IQSEC1: variants seen among roughly 807,000 people sequenced by gnomAD.
IQSEC1 encodes IQ motif and Sec7 domain ArfGEF 1, also known as IQ motif and SEC7 domain-containing protein 1.
IQSEC1 carries 31 observed loss-of-function variants against 91.0 expected under a neutral mutation model. The ratio of observed to expected loss-of-function variants is 0.34; its 90% CI spans 0.26 to 0.46. The LOEUF (loss-of-function observed/expected upper bound fraction) is 0.46, where lower values mean the gene tolerates loss of function less well. Ranked by LOEUF, IQSEC1 falls within the 20% of genes least tolerant of loss-of-function variation. The pLI, the probability that IQSEC1 is intolerant of heterozygous loss-of-function variation, is 1.00. For synonymous variants in IQSEC1, 699 were observed against 662.6 expected (o/e 1.05, Z -0.84); for missense variants, 1,388 against 1,575.6 (o/e 0.88, Z 2.02).
In IQSEC1 at chr3:13,276,910, C is replaced by T. The variant is rs370771817; in HGVS notation, c.272+5801G>A. Among the ~76,000 whole-genome samples, 30 of 152,098 alleles carry T rather than the reference C, an allele frequency of 2.0e-4. 2 individuals carry two copies. The East Asian group carries it at 5.2e-3, about 27-fold the overall frequency. On this transcript the variant is annotated intron_variant, in intron 1 of 15. Transcript: ENST00000648114. Reference sequence around the variant, plus strand: ...GCAGCACACTGGAGGCCGCTGAACTCGGACTGCCTCCTGGCCCCACCGCAG... The same window carrying T: ...GCAGCACACTGGAGGCCGCTGAACTTGGACTGCCTCCTGGCCCCACCGCAG...
intron 1 of IQSEC1, among the ~76,000 whole-genome samples, chr3:13,253,834 C>T (rs939219066): frequency 6.6e-6 from 1 of 152,128 alleles, no homozygotes; most frequent in Non-Finnish European, 1.5e-5. Flanking sequence ...TTTCCAAGTG[C>T]CTCGGTGGTT....
intron 6 of IQSEC1, among the ~76,000 whole-genome samples, chr3:12,916,858 C>T (rs994722693): frequency 2.0e-5 from 3 of 152,174 alleles, no homozygotes; most frequent in African/African-American, 7.2e-5. Context: ...GCACATGGGC[C>T]GTTTCTCTTA....
chr3:13,028,565 G>A (rs1468446513), intron 1 of IQSEC1, among the ~76,000 whole-genome samples: 1 of 152,200 alleles, frequency 6.6e-6, no homozygotes, highest in Non-Finnish European at 1.5e-5. Context: ...CTAGAACTGG[G>A]TGCCTCTGCA....
intron 2 of IQSEC1, among the ~76,000 whole-genome samples, chr3:13,080,585 A>ACC (rs1705632771): frequency 6.6e-6 from 1 of 152,012 alleles, no homozygotes; most frequent in African/African-American, 2.4e-5. Context: ...GAGAGGTCAG[A>ACC]CAGAGCCCTG....
intron 1 of IQSEC1, among the ~76,000 whole-genome samples, chr3:13,061,191 T>C (rs1705056430): frequency 6.6e-6 from 1 of 152,062 alleles, no homozygotes; most frequent in South Asian, 2.1e-4. Flanking sequence ...TGACCCATAT[T>C]ATAGATGGGG....
At chr3:13,061,507 A>C (rs1705067464) in intron 1 of IQSEC1, among the ~76,000 whole-genome samples, 1 of 151,868 alleles carries the variant, frequency 6.6e-6, no homozygotes, top group Non-Finnish European at 1.5e-5. Flanking sequence ...GATCCTGAAC[A>C]TCAGGGGTCC....
Position 12,994,300 on chromosome 3 carries a change from G to T in IQSEC1, c.24-52435C>A, listed in dbSNP as rs1702132575. On this transcript the variant is annotated intron_variant, in intron 1 of 13. Transcript: ENST00000613206. The surrounding 1 kb of genome is among the most constrained non-coding windows in gnomAD (Gnocchi z 4.5). ...CGCCGTGACCTTGGCGGGTGGCCTCGCCGCGCCTGGCCTCAGTTTCCCCCC... is the reference window on the plus strand; with the variant it reads ...CGCCGTGACCTTGGCGGGTGGCCTCTCCGCGCCTGGCCTCAGTTTCCCCCC... 6.6e-6 allele frequency among the ~76,000 whole-genome samples: 1 copy of T among 151,464 alleles called. No individual in the cohort carries two copies. Among genetic ancestry groups the T allele is most frequent in the Admixed American group, 6.6e-5 (1 of 15,242 alleles).
chr3:13,087,645 A>G (rs1705760521), intron 2 of IQSEC1, among the ~76,000 whole-genome samples: 1 of 152,148 alleles, frequency 6.6e-6, no homozygotes, highest in Non-Finnish European at 1.5e-5. Flanking sequence ...ACTACCACAA[A>G]CGGAAAACCA....
Position 12,967,913 on chromosome 3 carries a change from TCAGGGGCGGGGCTACGCG to T in IQSEC1, c.24-26066_24-26049del, listed in dbSNP as rs1424640296. Among the ~76,000 whole-genome samples, 2,370 of 52,408 alleles carry T rather than the reference TCAGGGGCGGGGCTACGCG, an allele frequency of 0.045. 37 individuals are homozygous for T. Among genetic ancestry groups the T allele is most frequent in the Middle Eastern group, 0.07 (9 of 128 alleles). 34.4% of individuals were successfully genotyped at this position (52,408 alleles called of 152,430 possible). A position where few individuals can be genotyped will look rare whatever the true frequency, so the allele number is the denominator to read the frequency against. On this transcript the variant is annotated intron_variant, in intron 1 of 13. Coordinates refer to ENST00000613206, the MANE Select transcript of IQSEC1 (RefSeq NM_001134382.3). This position sits in a 1 kb window ranked among gnomAD's most constrained non-coding sequence, Gnocchi z 5.9. ...GGGGCGGGGGGTCAGGGGCGGGGCG[TCAGGGGCGGGGCTACGCG>T]CAGGGGCGGGGCCGAGCCGAGGCGC... is the stretch of plus-strand genomic sequence containing the variant.
chr3:12,909,535 G>C lies in IQSEC1; in HGVS notation c.2417-101C>G. The C allele has an allele frequency of 8.1e-7, 1 of 1,238,916 alleles. No homozygotes were observed. Among genetic ancestry groups the C allele is most frequent in the South Asian group, 1.4e-5 (1 of 70,924 alleles). 76.7% of individuals were successfully genotyped at this position (1,238,916 alleles called of 1,614,324 possible). ...ACAATGGTAGGGCTGAGTTGTGCGT[G>C]AGCCTGGGATAAGTGCCGGGAGTCC... On this transcript the variant is annotated intron_variant, in intron 10 of 13. Coordinates refer to ENST00000613206, the MANE Select transcript of IQSEC1 (RefSeq NM_001134382.3). The surrounding 1 kb of genome is among the most constrained non-coding windows in gnomAD (Gnocchi z 4.9).
chr3:13,115,373 T>C (rs977087887), intron 2 of IQSEC1, among the ~76,000 whole-genome samples: 6 of 152,216 alleles, frequency 3.9e-5, no homozygotes, highest in African/African-American at 1.2e-4. Context: ...GAAGTGGTAC[T>C]GAGTTGCTGT....
intron 1 of IQSEC1, among the ~76,000 whole-genome samples, chr3:13,192,491 G>A (rs1283782319): frequency 6.6e-6 from 1 of 152,212 alleles, no homozygotes; most frequent in Non-Finnish European, 1.5e-5. Flanking sequence ...AGGGACGGAC[G>A]ACGTGAAGAT....
At chr3:13,022,463 G>T (rs912600085) in intron 1 of IQSEC1, 3 of 1,013,446 alleles carry the variant, frequency 3.0e-6, no homozygotes, top group East Asian at 1.8e-4. Flanking sequence ...GGCCAGGGGA[G>T]CAGTGAGTCA....
At chr3:12,911,546 C>A (rs763593244) in intron 10 of IQSEC1, 83 bp downstream of exon 10, 2 of 1,027,226 alleles carry the variant, frequency 1.9e-6, no homozygotes, top group Admixed American at 1.7e-5. Context: ...AAGCCCCCCG[C>A]GGTTCTGTCC....
rs531893068 is a variant in IQSEC1 at position 13,264,485 on chromosome 3, T to C, written c.272+18226A>G. Among the ~76,000 whole-genome samples, 3 of 152,284 alleles carry C rather than the reference T, an allele frequency of 2.0e-5. No individual in the cohort carries two copies. The East Asian group carries it at 5.8e-4, about 29-fold the overall frequency. ...TCATCTGTCTCCAAGTCAAACCGCA[T>C]GGGACATCATCTACAAAATGTAGCA... is the stretch of plus-strand genomic sequence containing the variant. On this transcript the variant is annotated intron_variant, in intron 1 of 15. Coordinates refer to the IQSEC1 transcript ENST00000648114.
chr3:12,901,139 A>T lies in IQSEC1; in HGVS notation c.3189T>A (p.His1063Gln). ...GGGCCCCGTAGGCTGGGTGGCCCCC[A>T]TGGGGGCCGTGGTGGTACTGGTGTG... Reference protein sequence around the residue: ...QHAHQYHHGPHGGHPAYGAHA... With the variant: ...QHAHQYHHGPQGGHPAYGAHA... The change falls in exon 14 of 14, where the codon CAT becomes CAA. Residue 1063 changes from histidine (H) to glutamine (Q), a missense_variant. Physicochemically the swap from His to Gln is conservative, Grantham distance 24 (BLOSUM62 0). Transcript: ENST00000613206. 2 of 1,540,450 alleles carry T rather than the reference A, an allele frequency of 1.3e-6. No homozygotes were observed. The highest frequency in any genetic ancestry group is 1.7e-6 in the Non-Finnish European group (2 of 1,145,136).
intron 1 of IQSEC1, among the ~76,000 whole-genome samples, chr3:12,988,695 C>T (rs1488477995): frequency 2.6e-5 from 4 of 152,136 alleles, no homozygotes; most frequent in South Asian, 2.1e-4. Context: ...GAGGGGCACA[C>T]GGGGGCTTTG....
chr3:13,040,434 G>C (rs1288859064), intron 1 of IQSEC1, among the ~76,000 whole-genome samples: 1 of 152,236 alleles, frequency 6.6e-6, no homozygotes, highest in Non-Finnish European at 1.5e-5. Context: ...CAGGGCTTAA[G>C]AACAAGAGCA....
At chr3:12,916,462 A>G (rs1696102142) in intron 6 of IQSEC1, among the ~76,000 whole-genome samples, 1 of 152,226 alleles carries the variant, frequency 6.6e-6, no homozygotes, top group Non-Finnish European at 1.5e-5. Flanking sequence ...AGCCTTATAC[A>G]TATGGGAAAT....
Sources: gnomAD v4.1 joint callset for allele counts (sites outside exome capture counted in the v4.1 genomes callset) on GRCh38, gnomAD v4.1.1 for gene constraint, Gnocchi (gnomAD v3.1) non-coding constraint, MANE v1.5 for transcripts, NCBI Gene and HGNC (gene_info 2026-07-23, HGNC 2026-07-21) for gene names.